Variants in ETV6 observed in about 807,000 individuals in gnomAD.
The protein encoded by ETV6 is transcription factor ETV6.
ETV6 carries 16 observed loss-of-function variants against 51.1 expected under a neutral mutation model. That is an observed-to-expected ratio of 0.31 (90% confidence interval 0.21 to 0.48). ETV6 has a LOEUF of 0.48. Among genes scored for constraint, ETV6 ranks in the 20% least tolerant of loss-of-function variants. ETV6 has a pLI of 0.99. For synonymous variants in ETV6, 240 were observed against 224.1 expected (o/e 1.07, Z -0.64); for missense variants, 458 against 594.8 (o/e 0.77, Z 2.39).
intron 2 of ETV6, among the ~76,000 whole-genome samples, chr12:11,793,931 T>A (rs532623309): frequency 6.6e-6 from 1 of 152,306 alleles, no homozygotes; most frequent in Non-Finnish European, 1.5e-5. Flanking sequence ...ATCAAAAAGA[T>A]ATGAATGCTG....
chr12:11,866,198 CT>C (rs930894697), intron 4 of ETV6, among the ~76,000 whole-genome samples: 43 of 150,702 alleles, frequency 2.9e-4, no homozygotes, highest in African/African-American at 8.3e-4. Context: ...TTTATTTTGC[CT>C]TTTTTTTTAA....
At chr12:11,877,580 A>G (rs1400256424) in intron 5 of ETV6, among the ~76,000 whole-genome samples, 1 of 152,138 alleles carries the variant, frequency 6.6e-6, no homozygotes, top group African/African-American at 2.4e-5. Context: ...CAGGTGAAAG[A>G]GCCGCTTCCT....
intron 1 of ETV6, among the ~76,000 whole-genome samples, chr12:11,736,191 T>A (rs1865699890): frequency 6.6e-6 from 1 of 152,238 alleles, no homozygotes; most frequent in Non-Finnish European, 1.5e-5. Flanking sequence ...ATTTGCTGAA[T>A]GAAAGAAAAA....
At chr12:11,850,429 G>A (rs1303433225) in intron 3 of ETV6, among the ~76,000 whole-genome samples, 1 of 151,960 alleles carries the variant, frequency 6.6e-6, no homozygotes, top group Non-Finnish European at 1.5e-5. Flanking sequence ...GAAGGGGAAC[G>A]TAAAGCTGGC....
intron 2 of ETV6, among the ~76,000 whole-genome samples, chr12:11,765,243 C>T (rs1945146176): frequency 6.6e-6 from 1 of 152,116 alleles, no homozygotes; most frequent in African/African-American, 2.4e-5. Context: ...TAAATACTGT[C>T]CCTTTCAGAG....
intron 1 of ETV6, among the ~76,000 whole-genome samples, chr12:11,678,142 C>T (rs1864456309): frequency 6.6e-6 from 1 of 152,172 alleles, no homozygotes; most frequent in Non-Finnish European, 1.5e-5. Context: ...AGGTACCATG[C>T]ATATAACATC....
intron 2 of ETV6, among the ~76,000 whole-genome samples, chr12:11,823,469 CTTTT>C (rs756553588): frequency 7.3e-6 from 1 of 137,568 alleles, no homozygotes. Flanking sequence ...TCCTTTTTTT[CTTTT>C]TTTTTTTTTT....
At chr12:11,673,264 C>T (rs897054725) in intron 1 of ETV6, among the ~76,000 whole-genome samples, 6 of 151,886 alleles carry the variant, frequency 4.0e-5, no homozygotes, top group Non-Finnish European at 8.8e-5. Flanking sequence ...TTTGGCGGGG[C>T]AGGATGTGAG....
At chr12:11,674,615 T>TTGTGTG (rs5796457) in intron 1 of ETV6, among the ~76,000 whole-genome samples, 15,214 of 132,956 alleles carry the variant, frequency 0.11, 1,064 homozygotes, top group Non-Finnish European at 0.15. Context: ...TAGGGGTTAT[T>TTGTGTG]TGTGTGTGTG....
intron 2 of ETV6, among the ~76,000 whole-genome samples, chr12:11,756,869 T>C (rs1945015877): frequency 6.6e-6 from 1 of 152,220 alleles, no homozygotes; most frequent in South Asian, 2.1e-4. Flanking sequence ...TAGTTCAGAT[T>C]GATGGGGCAG....
At chr12:11,858,695 T>G (rs1565554950) in intron 4 of ETV6, among the ~76,000 whole-genome samples, 2 of 152,212 alleles carry the variant, frequency 1.3e-5, no homozygotes, top group Non-Finnish European at 2.9e-5. Context: ...GCAGTGATTC[T>G]TAATCACTTT....
At chr12:11,825,057 G>T (rs1946133130) in intron 2 of ETV6, among the ~76,000 whole-genome samples, 1 of 152,178 alleles carries the variant, frequency 6.6e-6, no homozygotes, top group Non-Finnish European at 1.5e-5. Flanking sequence ...CATCCCTCAA[G>T]AAAGCGTGCC....
chr12:11,790,001 C>T (rs997006277), intron 2 of ETV6, among the ~76,000 whole-genome samples: 2 of 152,100 alleles, frequency 1.3e-5, no homozygotes, highest in African/African-American at 4.8e-5. Context: ...CCAGAACTCC[C>T]ATTATTAGGA....
At position 11,869,055 on chromosome 12, in the gene ETV6, T is replaced by C. The variant is rs1201428472; in HGVS notation, c.464-369T>C. On this transcript the variant is annotated intron_variant, in intron 4 of 7. Transcript: ENST00000396373. This position sits in a 1 kb window ranked among gnomAD's most constrained non-coding sequence, Gnocchi z 5.0. ...ACCCAGACCATCCTGGCTAACACGG[T>C]GAAACCCCATCTCTACTAAAAATAA... 6.6e-6 allele frequency among the ~76,000 whole-genome samples: 1 copy of C among 151,966 alleles called. No homozygotes were observed. Among genetic ancestry groups the C allele is most frequent in the East Asian group, 1.9e-4 (1 of 5,184 alleles).
chr12:11,822,988 C>T (rs144633165), intron 2 of ETV6, among the ~76,000 whole-genome samples: 39 of 152,286 alleles, frequency 2.6e-4, no homozygotes, highest in African/African-American at 8.7e-4. Flanking sequence ...ACAGCATCCT[C>T]CGACGAGACT....
intron 2 of ETV6, among the ~76,000 whole-genome samples, chr12:11,772,628 G>A (rs1362192123): frequency 6.6e-6 from 1 of 152,168 alleles, no homozygotes; most frequent in Non-Finnish European, 1.5e-5. Flanking sequence ...CTAAAAGTCA[G>A]CTATGGACTT....
chr12:11,863,924 A>G (rs1233709699), intron 4 of ETV6, among the ~76,000 whole-genome samples: 2 of 152,216 alleles, frequency 1.3e-5, no homozygotes, highest in Non-Finnish European at 1.5e-5. Context: ...CCAGACCACC[A>G]GGAGCCTGGA....
intron 2 of ETV6, among the ~76,000 whole-genome samples, chr12:11,813,943 T>C (rs886798352): frequency 6.6e-6 from 1 of 152,244 alleles, no homozygotes; most frequent in Non-Finnish European, 1.5e-5. Context: ...TATCAAGCAC[T>C]TCCTTGTAAA....
At chr12:11,764,180 A>G (rs79606428) in intron 2 of ETV6, among the ~76,000 whole-genome samples, 3,113 of 152,334 alleles carry the variant, frequency 0.02, 105 homozygotes, top group African/African-American at 0.065. Flanking sequence ...TTAGCTTATC[A>G]GATCTCCTGA....
Sources: gnomAD v4.1 joint callset for allele counts (sites outside exome capture counted in the v4.1 genomes callset) on GRCh38, gnomAD v4.1.1 for gene constraint, Gnocchi (gnomAD v3.1) non-coding constraint, MANE v1.5 for transcripts, NCBI Gene and HGNC (gene_info 2026-07-23, HGNC 2026-07-21) for gene names.